The following SESTD1 variants were observed in gnomAD, a reference collection of about 807,000 sequenced individuals.
SESTD1 encodes SEC14 domain and spectrin repeat-containing protein 1.
Under a neutral mutation model 101.7 loss-of-function variants are expected in SESTD1, and 43 were observed. The observed-to-expected ratio is 0.42, with a 90% CI of 0.33 to 0.55. SESTD1 has a LOEUF of 0.55. Among genes scored for constraint, SESTD1 ranks in the 20% least tolerant of loss-of-function variants. SESTD1 has a pLI of 0.07. For missense variants in SESTD1, 647 were observed against 815.1 expected, an observed-to-expected ratio of 0.79 and a Z score of 2.51; for synonymous variants, 283 against 286.8, an observed-to-expected ratio of 0.99 and a Z score of 0.13.
At chr2:179,215,770 G>A (rs939492985) in intron 1 of SESTD1, among the ~76,000 whole-genome samples, 1 of 135,032 alleles carries the variant, frequency 7.4e-6, no homozygotes, top group Non-Finnish European at 1.6e-5. Context: ...AAATCCAGCA[G>A]CACATCAATA....
At chr2:179,173,263 G>T (rs2045956168) in intron 4 of SESTD1, among the ~76,000 whole-genome samples, 1 of 152,026 alleles carries the variant, frequency 6.6e-6, no homozygotes, top group African/African-American at 2.4e-5. Context: ...TACCTAAAGT[G>T]GCATCATCTG....
intron 7 of SESTD1, among the ~76,000 whole-genome samples, chr2:179,149,009 G>T (rs932332580): frequency 7.9e-6 from 1 of 127,388 alleles, no homozygotes; most frequent in Admixed American, 1.0e-4. Flanking sequence ...GCAGTAAGCC[G>T]AGATAGCGCC....
At chr2:179,180,578 A>G (rs2046091302) in intron 3 of SESTD1, among the ~76,000 whole-genome samples, 1 of 152,212 alleles carries the variant, frequency 6.6e-6, no homozygotes, top group African/African-American at 2.4e-5. Flanking sequence ...AGAGGGGTGA[A>G]ACATGGGAGA....
At position 179,127,154 on chromosome 2, in the gene SESTD1, T is replaced by C. The variant is rs185440261; in HGVS notation, c.973-2596A>G. ...AACTTTATTTTCTGTGACTCTCCTT[T>C]GCTCCCTGTACTCTAGCCACACCAA... is the stretch of plus-strand genomic sequence containing the variant. On this transcript the variant is annotated intron_variant, in intron 10 of 17. Transcript: ENST00000428443. 3.2e-4 allele frequency among the ~76,000 whole-genome samples: 49 copies of C among 152,356 alleles called. 1 individual carries two copies. The highest frequency in any genetic ancestry group is 5.3e-4 in the Non-Finnish European group (36 of 68,030).
chr2:179,191,650 C>A (rs1266172085), intron 2 of SESTD1, 137 bp downstream of exon 2: 4 of 737,266 alleles, frequency 5.4e-6, no homozygotes, highest in Non-Finnish European at 9.1e-6. Context: ...GCTCTTCATT[C>A]TGATTTAAAG....
At chr2:179,171,331 T>A (rs1244686438) in intron 5 of SESTD1, among the ~76,000 whole-genome samples, 1 of 152,190 alleles carries the variant, frequency 6.6e-6, no homozygotes, top group Non-Finnish European at 1.5e-5. Context: ...CAATATACAT[T>A]AACAACCTTT....
intron 1 of SESTD1, among the ~76,000 whole-genome samples, chr2:179,197,294 A>G (rs899893847): frequency 2.3e-4 from 35 of 152,252 alleles, no homozygotes; most frequent in African/African-American, 8.4e-4. Context: ...AGCCTCCAAG[A>G]AATATGGGAC....
chr2:179,149,099 G>C (rs1478740373), intron 7 of SESTD1, among the ~76,000 whole-genome samples, 198 bp downstream of exon 7: 1 of 127,808 alleles, frequency 7.8e-6, no homozygotes, highest in Non-Finnish European at 1.7e-5. Flanking sequence ...AAAGGCTTTT[G>C]TGAAGAAACT....
chr2:179,103,653 A>G lies in SESTD1; in HGVS notation c.*6246T>C, dbSNP rs2044320617. ...AATGAAGCCTTGTAGAAAAGCGTAC[A>G]TGTTGCGTGACTCTATTTATATAAA... is the stretch of plus-strand genomic sequence containing the variant. On this transcript the variant is annotated 3_prime_UTR_variant, in exon 18 of 18. Transcript: ENST00000428443. The G allele has an allele frequency of 6.6e-6, 1 of 152,156 alleles. No homozygotes were observed. The allele number at this position is 152,156 out of a possible 1,614,324, so 9.4% of individuals were successfully genotyped here. A position where few individuals can be genotyped will look rare whatever the true frequency, so the allele number is the denominator to read the frequency against.
intron 1 of SESTD1, among the ~76,000 whole-genome samples, chr2:179,225,616 GC>G (rs1215337716): frequency 6.6e-6 from 1 of 152,048 alleles, no homozygotes; most frequent in Non-Finnish European, 1.5e-5. Flanking sequence ...CATGATCAAG[GC>G]ACCACCAGGT....
At chr2:179,193,055 T>G (rs1382048601) in intron 1 of SESTD1, among the ~76,000 whole-genome samples, 1 of 152,066 alleles carries the variant, frequency 6.6e-6, no homozygotes, top group Non-Finnish European at 1.5e-5. Flanking sequence ...CCTAAGGCTG[T>G]GCTACCAGCT....
At chr2:179,146,657 C>T (rs925138911) in intron 7 of SESTD1, among the ~76,000 whole-genome samples, 200 bp from the exon 8 acceptor site, 3 of 152,058 alleles carry the variant, frequency 2.0e-5, no homozygotes, top group South Asian at 2.1e-4. Flanking sequence ...GAAATACCAA[C>T]GTAATAAATC....
chr2:179,196,093 G>A (rs900900293), intron 1 of SESTD1, among the ~76,000 whole-genome samples: 12 of 152,162 alleles, frequency 7.9e-5, no homozygotes, highest in Non-Finnish European at 1.6e-4. Context: ...AGGTCAGTGG[G>A]TGCACGCACC....
At chr2:179,249,722 A>C (rs1394943846) in intron 1 of SESTD1, among the ~76,000 whole-genome samples, 2 of 152,178 alleles carry the variant, frequency 1.3e-5, no homozygotes, top group Admixed American at 6.6e-5. Flanking sequence ...AAAATAATGC[A>C]GTAGAAGGAA....
At position 179,105,661 on chromosome 2, in the gene SESTD1, C is replaced by T. The variant is rs1188486811; in HGVS notation, c.*4238G>A. On this transcript the variant is annotated 3_prime_UTR_variant, in exon 18 of 18. Coordinates refer to ENST00000428443, the MANE Select transcript of SESTD1 (RefSeq NM_178123.5). Reference sequence around the variant, plus strand: ...TTTTATTCTGAAAAGATAATTATAGCAATGATACCTTCCATTCTGTTTATT... The same window carrying T: ...TTTTATTCTGAAAAGATAATTATAGTAATGATACCTTCCATTCTGTTTATT... 1 of 152,118 alleles carries T rather than the reference C, an allele frequency of 6.6e-6. No homozygotes were observed. The highest frequency in any genetic ancestry group is 1.5e-5 in the Non-Finnish European group (1 of 68,010). The allele number at this position is 152,118 out of a possible 1,614,324, so 9.4% of individuals were successfully genotyped here. A position where few individuals can be genotyped will look rare whatever the true frequency, so the allele number is the denominator to read the frequency against.
chr2:179,123,276 G>C (rs1332937677), intron 12 of SESTD1, among the ~76,000 whole-genome samples: 1 of 152,080 alleles, frequency 6.6e-6, no homozygotes. Flanking sequence ...TTCCCAGTTT[G>C]GTGAGACAAG....
chr2:179,151,902 A>G (rs2045538717), intron 5 of SESTD1, among the ~76,000 whole-genome samples: 1 of 152,172 alleles, frequency 6.6e-6, no homozygotes, highest in African/African-American at 2.4e-5. Context: ...TTTAATTTTT[A>G]GTAAAAATTA....
chr2:179,148,568 G>C (rs2105447255), intron 7 of SESTD1, among the ~76,000 whole-genome samples: 1 of 152,226 alleles, frequency 6.6e-6, no homozygotes, highest in Non-Finnish European at 1.5e-5. Flanking sequence ...TACAAGAGCA[G>C]AAAAAGTTCT....
Position 179,183,252 on chromosome 2 carries a change from C to T in SESTD1, c.56-64G>A, listed in dbSNP as rs1019047199. The T allele has an allele frequency of 8.4e-6, 8 of 956,872 alleles. No individual in the cohort carries two copies. In the African/African-American group the frequency reaches 1.2e-4, roughly 14 times the overall value. The allele number at this position is 956,872 out of a possible 1,614,324, so 59.3% of individuals were successfully genotyped here. A position where few individuals can be genotyped will look rare whatever the true frequency, so the allele number is the denominator to read the frequency against. The stretch of plus-strand genomic sequence containing the variant: ...ATTAAGGCATAATCTGAATAATATA[C>T]ATTTGAATCCAATCTTACTAAAATA... On this transcript the variant is annotated intron_variant, in intron 2 of 17. Transcript: ENST00000428443.
Sources: gnomAD v4.1 joint callset for allele counts (sites outside exome capture counted in the v4.1 genomes callset) on GRCh38, gnomAD v4.1.1 for gene constraint, MANE v1.5 for transcripts, NCBI Gene and HGNC (gene_info 2026-07-23, HGNC 2026-07-21) for gene names.